The following MYO3B variants were observed in gnomAD, a reference collection of about 807,000 sequenced individuals.
The protein encoded by MYO3B is myosin-IIIb.
A neutral mutation model predicts 174.6 loss-of-function variants in MYO3B; 156 were observed. The ratio of observed to expected loss-of-function variants is 0.89; its 90% CI spans 0.78 to 1.02. The LOEUF is 1.02. Among genes scored for constraint, MYO3B ranks in the 50% least tolerant of loss-of-function variants. MYO3B has a pLI of 0.00. For missense variants in MYO3B, 1,632 were observed against 1,639.4 expected, an observed-to-expected ratio of 1.00 and a Z score of 0.08; for synonymous variants, 563 against 569.1, an observed-to-expected ratio of 0.99 and a Z score of 0.15.
chr2:170,440,697 G>A (rs2094793400), intron 22 of MYO3B, among the ~76,000 whole-genome samples: 1 of 149,392 alleles, frequency 6.7e-6, no homozygotes, highest in African/African-American at 2.5e-5. Context: ...AGGTTGCAGT[G>A]AGCTGAGATC....
rs116661442 is a variant in MYO3B at position 170,475,494 on chromosome 2, A to C, written c.3014+8783A>C. Among the ~76,000 whole-genome samples, 991 of 152,264 alleles carry C rather than the reference A, an allele frequency of 6.5e-3. 6 individuals are homozygous for C. Among genetic ancestry groups the C allele is most frequent in the Non-Finnish European group, 8.4e-3 (572 of 68,004 alleles). On this transcript the variant is annotated intron_variant, in intron 25 of 34. Transcript: ENST00000408978. ...TCAGACTCCTGGGCTCAAGCTATCT[A>C]TCCTCCCACCTTGGCCTCCCAAAGT...
At chr2:170,636,896 A>C (rs1434703903) in intron 32 of MYO3B, among the ~76,000 whole-genome samples, 1 of 151,786 alleles carries the variant, frequency 6.6e-6, no homozygotes, top group African/African-American at 2.4e-5. Flanking sequence ...TTAAAATTAC[A>C]TTGCACTGGA....
chr2:170,377,869 A>G (rs1238132128), intron 9 of MYO3B, among the ~76,000 whole-genome samples: 1 of 152,204 alleles, frequency 6.6e-6, no homozygotes, highest in Non-Finnish European at 1.5e-5. Flanking sequence ...CCATTCATTT[A>G]TCTATGTCTC....
intron 8 of MYO3B, among the ~76,000 whole-genome samples, chr2:170,343,299 G>C (rs1025753093): frequency 2.0e-5 from 3 of 152,094 alleles, no homozygotes; most frequent in Non-Finnish European, 4.4e-5. Flanking sequence ...CAGGCATGGT[G>C]GTGTGTGCCT....
intron 7 of MYO3B, among the ~76,000 whole-genome samples, chr2:170,258,178 C>T (rs2093319090): frequency 6.6e-6 from 1 of 152,038 alleles, no homozygotes; most frequent in Admixed American, 6.5e-5. Flanking sequence ...CTGAAATTAT[C>T]CACAAAAGTC....
intron 7 of MYO3B, among the ~76,000 whole-genome samples, chr2:170,300,969 T>C (rs2093661707): frequency 6.6e-6 from 1 of 152,218 alleles, no homozygotes; most frequent in African/African-American, 2.4e-5. Flanking sequence ...GTTAGTTAGT[T>C]GATGAACCAT....
intron 22 of MYO3B, among the ~76,000 whole-genome samples, chr2:170,409,940 C>G (rs1478122193): frequency 6.6e-6 from 1 of 152,110 alleles, no homozygotes; most frequent in Non-Finnish European, 1.5e-5. Flanking sequence ...TATGTTACAG[C>G]CTTTGAAGAT....
intron 32 of MYO3B, among the ~76,000 whole-genome samples, chr2:170,621,173 G>A: frequency 6.6e-6 from 1 of 151,988 alleles, no homozygotes; most frequent in Non-Finnish European, 1.5e-5. Context: ...ACATGCATGA[G>A]CCACCGCACC....
intron 7 of MYO3B, among the ~76,000 whole-genome samples, chr2:170,319,049 A>G (rs1465097272): frequency 6.6e-6 from 1 of 152,204 alleles, no homozygotes; most frequent in Non-Finnish European, 1.5e-5. Flanking sequence ...ATTTCAGATC[A>G]TGTCTGCTAG....
chr2:170,638,968 GCA>G (rs1326427333), intron 32 of MYO3B, among the ~76,000 whole-genome samples: 1 of 152,110 alleles, frequency 6.6e-6, no homozygotes, highest in Non-Finnish European at 1.5e-5. Flanking sequence ...CCAGCCCCTT[GCA>G]CACTCACAGT....
intron 8 of MYO3B, among the ~76,000 whole-genome samples, chr2:170,361,076 C>T (rs2094157019): frequency 6.6e-6 from 1 of 152,182 alleles, no homozygotes; most frequent in African/African-American, 2.4e-5. Context: ...TGACTGTATA[C>T]CCAGCAACTA....
At chr2:170,195,600 C>T (rs545011830) in intron 1 of MYO3B, among the ~76,000 whole-genome samples, 41 of 152,280 alleles carry the variant, frequency 2.7e-4, no homozygotes, top group Admixed American at 1.6e-3. Flanking sequence ...ACCGAGGGCA[C>T]TGAGCTTGTT....
chr2:170,476,636 T>C lies in MYO3B; in HGVS notation c.3014+9925T>C, dbSNP rs573554658. ...ATTCTCTTTCTCTGCCATGCTGTTG[T>C]GCCATGCTCTGCTTGTCTTCTCATC... On this transcript the variant is annotated intron_variant, in intron 25 of 34. Transcript: ENST00000408978. 4.6e-5 allele frequency among the ~76,000 whole-genome samples: 7 copies of C among 152,084 alleles called. No individual in the cohort carries two copies. The East Asian group carries it at 1.4e-3, about 30-fold the overall frequency.
intron 32 of MYO3B, among the ~76,000 whole-genome samples, chr2:170,625,565 C>T (rs575598537): frequency 1.3e-5 from 2 of 152,268 alleles, no homozygotes; most frequent in African/African-American, 4.8e-5. Context: ...CATTTCTGCT[C>T]TGATCTTAGT....
Position 170,498,508 on chromosome 2 carries a change from GGT to G in MYO3B, c.3015-79_3015-78del, listed in dbSNP as rs1482549631. 16 of 842,046 alleles carry G rather than the reference GGT, an allele frequency of 1.9e-5. No homozygotes were observed. The Admixed American group carries it at 3.6e-4, about 19-fold the overall frequency. The allele number at this position is 842,046 out of a possible 1,614,324, so 52.2% of individuals were successfully genotyped here. A position where few individuals can be genotyped will look rare whatever the true frequency, so the allele number is the denominator to read the frequency against. On this transcript the variant is annotated intron_variant, in intron 25 of 34. Coordinates refer to ENST00000408978, the MANE Select transcript of MYO3B (RefSeq NM_138995.5). Reference sequence around the variant, plus strand: ...ACAAATATTTACTATTAAAAAACAAGGTGTGTCAATGGTCCCGAGTAATTCTA... The same window carrying G: ...ACAAATATTTACTATTAAAAAACAAGGTGTCAATGGTCCCGAGTAATTCTA...
rs548287099 is a variant in MYO3B at position 170,621,363 on chromosome 2, T to G, written c.3734-30265T>G. Among the ~76,000 whole-genome samples the G allele has an allele frequency of 1.7e-3, 255 of 152,328 alleles. 1 individual carries two copies. Among genetic ancestry groups the G allele is most frequent in the Non-Finnish European group, 2.7e-3 (181 of 68,038 alleles). The stretch of plus-strand genomic sequence containing the variant: ...ATAGTAAGGGCTCAATAAATTATTA[T>G]GACACCCTTCTAATATAACACCTTT... On this transcript the variant is annotated intron_variant, in intron 32 of 34. Coordinates refer to ENST00000408978, the MANE Select transcript of MYO3B (RefSeq NM_138995.5).
intron 23 of MYO3B, among the ~76,000 whole-genome samples, chr2:170,461,614 A>C (rs996723567): frequency 6.6e-6 from 1 of 151,760 alleles, no homozygotes; most frequent in Non-Finnish European, 1.5e-5. Context: ...CATCTCTACC[A>C]AAAATACAAA....
intron 16 of MYO3B, among the ~76,000 whole-genome samples, chr2:170,394,362 A>G (rs1472566705): frequency 6.6e-6 from 1 of 152,214 alleles, no homozygotes; most frequent in Non-Finnish European, 1.5e-5. Flanking sequence ...AATAAAACAG[A>G]TGCTATCTGT....
chr2:170,405,633 G>C lies in MYO3B; in HGVS notation c.2520G>C (p.Lys840Asn), dbSNP rs777498861. 6.2e-7 allele frequency: 1 copy of C among 1,614,078 alleles called. No individual in the cohort carries two copies. The highest frequency in any genetic ancestry group is 2.2e-5 in the East Asian group (1 of 44,882). The change falls in exon 21 of 35, where the codon AAG becomes AAC. Residue 840 changes from lysine to asparagine, a missense_variant and splice_region_variant. Coordinates refer to ENST00000408978, the MANE Select transcript of MYO3B (RefSeq NM_138995.5). ...TTGGCATTCAGCATTATGCTGGAAA[G>C]GTGAGGCCAGTGTGACAGTTATTAG... ...LCFGIQHYAG[K>N]VLYDASGVLE...
Sources: gnomAD v4.1 joint callset for allele counts (sites outside exome capture counted in the v4.1 genomes callset) on GRCh38, gnomAD v4.1.1 for gene constraint, MANE v1.5 for transcripts, NCBI Gene and HGNC (gene_info 2026-07-23, HGNC 2026-07-21) for gene names.